The following CNTN1 variants were observed in gnomAD, a reference collection of about 807,000 sequenced individuals.
The protein encoded by CNTN1 is contactin-1.
A neutral mutation model predicts 126.4 loss-of-function variants in CNTN1; 38 were observed. The observed-to-expected ratio is 0.30, with a 90% CI of 0.23 to 0.39. CNTN1 has a LOEUF of 0.39. Ranked by LOEUF, CNTN1 falls within the 10% of genes least tolerant of loss-of-function variation. The pLI, the probability that CNTN1 is intolerant of heterozygous loss-of-function variation, is 1.00. For missense variants in CNTN1, 1,009 were observed against 1,248.4 expected, an observed-to-expected ratio of 0.81 and a Z score of 2.89; for synonymous variants, 413 against 422.6, an observed-to-expected ratio of 0.98 and a Z score of 0.28.
intron 1 of CNTN1, among the ~76,000 whole-genome samples, chr12:40,831,509 A>G (rs1272512050): frequency 6.6e-6 from 1 of 152,134 alleles, no homozygotes; most frequent in Non-Finnish European, 1.5e-5. Flanking sequence ...TTTCTCTCCT[A>G]TTCGAGAAAA....
chr12:40,805,696 T>A (rs915974422), intron 1 of CNTN1, among the ~76,000 whole-genome samples: 3 of 152,060 alleles, frequency 2.0e-5, no homozygotes, highest in Non-Finnish European at 2.9e-5. Context: ...CTTTTGAAAA[T>A]AGTTTGCTGT....
chr12:40,747,085 C>T (rs530585814), intron 1 of CNTN1, among the ~76,000 whole-genome samples: 1 of 152,194 alleles, frequency 6.6e-6, no homozygotes, highest in South Asian at 2.1e-4. Context: ...AGACACATTA[C>T]ATCTAATGGA....
At chr12:40,722,435 A>T (rs561683303) in intron 1 of CNTN1, among the ~76,000 whole-genome samples, 1 of 152,290 alleles carries the variant, frequency 6.6e-6, no homozygotes, top group South Asian at 2.1e-4. Context: ...GGTCCAAAAC[A>T]TATCTGGCCC....
At chr12:40,931,378 A>G (rs79740172) in intron 7 of CNTN1, among the ~76,000 whole-genome samples, 122 of 151,874 alleles carry the variant, frequency 8.0e-4, no homozygotes, top group African/African-American at 2.9e-3. Context: ...TTCACAAAAT[A>G]TTCTTCTTTC....
intron 1 of CNTN1, among the ~76,000 whole-genome samples, chr12:40,741,887 A>G (rs140303954): frequency 1.5e-4 from 23 of 151,032 alleles, no homozygotes; most frequent in Admixed American, 4.7e-4. Context: ...ATCATTTCTA[A>G]TTGAATACAT....
intron 14 of CNTN1, 151 bp downstream of exon 14, chr12:40,944,321 T>G: frequency 1.4e-6 from 1 of 692,560 alleles, no homozygotes; most frequent in Non-Finnish European, 2.5e-6. Context: ...TCTCCTTATA[T>G]TAACTGTTGT....
At chr12:40,889,106 TA>T (rs1944154669) in intron 1 of CNTN1, among the ~76,000 whole-genome samples, 1 of 152,248 alleles carries the variant, frequency 6.6e-6, no homozygotes, top group Non-Finnish European at 1.5e-5. Context: ...CTGTAAGGGT[TA>T]AACCTGCTGC....
chr12:40,788,724 G>A (rs746353602), intron 1 of CNTN1, among the ~76,000 whole-genome samples: 22 of 152,066 alleles, frequency 1.4e-4, no homozygotes, highest in Non-Finnish European at 2.5e-4. Context: ...CAGGGAAATA[G>A]ATACCTCCTA....
At chr12:40,989,914 AAGATAAGAGCTGGGAAAAT>A (rs1211664182) in intron 16 of CNTN1, among the ~76,000 whole-genome samples, 1 of 152,086 alleles carries the variant, frequency 6.6e-6, no homozygotes, top group Admixed American at 6.5e-5. Context: ...TACTTAGCTC[AAGATAAGAGCTGGGAAAAT>A]AGACAGAAAG....
chr12:40,780,773 T>C (rs1939763887), intron 1 of CNTN1, among the ~76,000 whole-genome samples: 1 of 150,288 alleles, frequency 6.7e-6, no homozygotes, highest in Admixed American at 6.7e-5. Context: ...AAGGAGAGGT[T>C]AAGGCATTCT....
intron 1 of CNTN1, among the ~76,000 whole-genome samples, chr12:40,822,999 T>C (rs1213405026): frequency 6.6e-6 from 1 of 152,168 alleles, no homozygotes; most frequent in Non-Finnish European, 1.5e-5. Context: ...GAATATAGCA[T>C]ATTCTTTATA....
chr12:40,939,637 C>G, intron 12 of CNTN1, 152 bp downstream of exon 12: 1 of 765,604 alleles, frequency 1.3e-6, no homozygotes, highest in South Asian at 1.7e-5. Context: ...GACAGAAATA[C>G]CTATCCCTGT....
intron 1 of CNTN1, among the ~76,000 whole-genome samples, chr12:40,859,938 C>A (rs112905941): frequency 6.6e-6 from 1 of 152,120 alleles, no homozygotes; most frequent in African/African-American, 2.4e-5. Context: ...AGTAAAAAAT[C>A]TATTAATATA....
intron 15 of CNTN1, among the ~76,000 whole-genome samples, chr12:40,970,736 G>T (rs1947479668): frequency 2.0e-5 from 3 of 152,084 alleles, no homozygotes; most frequent in African/African-American, 7.2e-5. Flanking sequence ...TGCATGGTGT[G>T]ATCTAAAAGC....
chr12:40,931,481 C>T lies in CNTN1; in HGVS notation c.703+1479C>T, dbSNP rs932535345. 6.6e-5 allele frequency among the ~76,000 whole-genome samples: 10 copies of T among 151,920 alleles called. No homozygotes were observed. In the East Asian group the frequency reaches 1.2e-3, roughly 18 times the overall value. ...GCAAGAGACTTCAAGTTCACATCTC[C>T]GAAACTTTTCTTGTGTTTAGATGTC... On this transcript the variant is annotated intron_variant, in intron 7 of 23. Transcript: ENST00000551295.
chr12:40,977,229 G>A (rs2137059213), intron 15 of CNTN1, among the ~76,000 whole-genome samples: 1 of 152,244 alleles, frequency 6.6e-6, no homozygotes, highest in South Asian at 2.1e-4. Flanking sequence ...ATTACCAATA[G>A]AAAAGAATGT....
intron 1 of CNTN1, among the ~76,000 whole-genome samples, chr12:40,893,817 C>T (rs776574662): frequency 6.6e-6 from 1 of 152,082 alleles, no homozygotes; most frequent in African/African-American, 2.4e-5. Flanking sequence ...AAGTAGCTAT[C>T]CCCCACTCCT....
Position 40,844,069 on chromosome 12 carries a change from A to ATTTTTTTTTTTTTTTTTTTTT in CNTN1, c.-76-64272_-76-64271insTTTTTTTTTTTTTTTTTTTTT. 7.3e-3 allele frequency among the ~76,000 whole-genome samples: 614 copies of ATTTTTTTTTTTTTTTTTTTTT among 84,560 alleles called. 151 individuals are homozygous for ATTTTTTTTTTTTTTTTTTTTT. The highest frequency in any genetic ancestry group is 0.014 in the Middle Eastern group (2 of 140). The allele number at this position is 84,560 out of a possible 152,430, so 55.5% of individuals were successfully genotyped here. A position where few individuals can be genotyped will look rare whatever the true frequency, so the allele number is the denominator to read the frequency against. On this transcript the variant is annotated intron_variant, in intron 1 of 23. Coordinates refer to ENST00000551295, the MANE Select transcript of CNTN1 (RefSeq NM_001843.4). ...ATTGAAAAAATTCTTTGGCACAATG[A>ATTTTTTTTTTTTTTTTTTTTT]TTTTTTTTTTTTTTTTGAGACGGAG... is the stretch of plus-strand genomic sequence containing the variant.
chr12:40,975,202 A>T (rs1374195379), intron 15 of CNTN1, among the ~76,000 whole-genome samples: 2 of 140,626 alleles, frequency 1.4e-5, no homozygotes, highest in African/African-American at 2.7e-5. Context: ...ATATATATAT[A>T]TATATATATA....
Sources: allele counts gnomAD v4.1 joint callset (sites outside exome capture counted in the v4.1 genomes callset), GRCh38; gene constraint gnomAD v4.1.1; transcripts MANE v1.5; gene names NCBI Gene and HGNC (gene_info 2026-07-23, HGNC 2026-07-21).